HAL: variants seen among roughly 807,000 people sequenced by gnomAD.
The protein encoded by HAL is histidine ammonia-lyase.
A neutral mutation model predicts 81.1 loss-of-function variants in HAL; 85 were observed. That is an observed-to-expected ratio of 1.05 (90% CI 0.88 to 1.25). HAL has a LOEUF of 1.25. Among genes scored for constraint, HAL ranks in the 50% most tolerant of loss-of-function variants. HAL has a pLI of 0.00. For missense variants in HAL, 798 were observed against 836.6 expected, an observed-to-expected ratio of 0.95 and a Z score of 0.57; for synonymous variants, 301 against 309.2, an observed-to-expected ratio of 0.97 and a Z score of 0.28.
chr12:95,986,282 C>CT, intron 12 of HAL, 122 bp from the exon 13 acceptor site: 1 of 697,572 alleles, frequency 1.4e-6, no homozygotes, highest in Non-Finnish European at 2.6e-6. Flanking sequence ...ATCCTCCTAC[C>CT]TTGGCCTCCC....
chr12:95,991,973 C>T (rs1565993599), intron 9 of HAL, among the ~76,000 whole-genome samples: 1 of 152,232 alleles, frequency 6.6e-6, no homozygotes, highest in Non-Finnish European at 1.5e-5. Context: ...CTGTTTGTGA[C>T]TGCCTCAGCA....
At chr12:95,977,652 AAAAAAAAAAGAG>A (rs2080737900) in intron 18 of HAL, among the ~76,000 whole-genome samples, 1 of 151,136 alleles carries the variant, frequency 6.6e-6, no homozygotes, top group Non-Finnish European at 1.5e-5. Flanking sequence ...CAAAAAAAAA[AAAAAAAAAAGAG>A]AAAAAAAAAG....
chr12:95,992,660 C>A lies in HAL; in HGVS notation c.715+20G>T. ...TGTCCAGCCTCCACAGAGGTTCCGT[C>A]TAGGGAGCCATTGCATTACCATTAA... On this transcript the variant is annotated intron_variant, in intron 9 of 20. Coordinates refer to ENST00000261208, the MANE Select transcript of HAL (RefSeq NM_002108.4). 6.2e-7 allele frequency: 1 copy of A among 1,606,624 alleles called. No individual in the cohort carries two copies. Among genetic ancestry groups the A allele is most frequent in the South Asian group, 1.1e-5 (1 of 90,856 alleles).
At chr12:95,994,855 G>T (rs749942805) in intron 3 of HAL, 30 bp from the exon 4 acceptor site, 1 of 1,613,440 alleles carries the variant, frequency 6.2e-7, no homozygotes, top group Admixed American at 1.7e-5. Flanking sequence ...CATATAGGGT[G>T]GTGTGGAAAA....
intron 17 of HAL, among the ~76,000 whole-genome samples, chr12:95,979,888 T>A (rs1356725113): frequency 6.6e-6 from 1 of 152,236 alleles, no homozygotes; most frequent in Non-Finnish European, 1.5e-5. Flanking sequence ...CATCTATAGA[T>A]AACAATAATA....
In HAL at chr12:95,973,151, C is replaced by A. The variant is rs2080673381; in HGVS notation, c.*1081G>T. 2 of 152,174 alleles carry A rather than the reference C, an allele frequency of 1.3e-5. No homozygotes were observed. The highest frequency in any genetic ancestry group is 2.9e-5 in the Non-Finnish European group (2 of 68,050). The allele number at this position is 152,174 out of a possible 1,614,324, so 9.4% of individuals were successfully genotyped here. On this transcript the variant is annotated 3_prime_UTR_variant, in exon 21 of 21. Transcript: ENST00000261208. The stretch of plus-strand genomic sequence containing the variant: ...CTCCACCAGCTGTGGTTTTTAGAGC[C>A]ACGGTTTCAGACCACTTGAAGGGCC...
chr12:95,976,572 A>T (rs759325732), intron 19 of HAL, 26 bp downstream of exon 19: 2 of 1,592,586 alleles, frequency 1.3e-6, no homozygotes, highest in Non-Finnish European at 1.7e-6. Flanking sequence ...AACTGATGTA[A>T]TTTTCAGAGA....
chr12:95,996,182 T>C lies in HAL; in HGVS notation c.-186A>G, dbSNP rs1298156484. ...ATCCAGACCTGCTGCCAGAAAGGCC[T>C]GGGGTCTCCCACCCTGGGAGGTGCT... On this transcript the variant is annotated 5_prime_UTR_variant, in exon 1 of 21. Transcript: ENST00000261208. The C allele has an allele frequency of 2.1e-6, 1 of 473,908 alleles. No individual in the cohort carries two copies. Among genetic ancestry groups the C allele is most frequent in the Non-Finnish European group, 3.9e-6 (1 of 255,214 alleles). 29.4% of individuals were successfully genotyped at this position (473,908 alleles called of 1,614,324 possible). A position where few individuals can be genotyped will look rare whatever the true frequency, so the allele number is the denominator to read the frequency against.
In HAL at chr12:95,976,672, GC is replaced by G; in HGVS notation, c.1688del (p.Gly563AlafsTer2). The G allele has an allele frequency of 6.2e-7, 1 of 1,612,628 alleles. No homozygotes were observed. Among genetic ancestry groups the G allele is most frequent in the Non-Finnish European group, 8.5e-7 (1 of 1,178,644 alleles). ...TTTTCAGGGGACGTAGAAACTCTAT[GC>G]CCTGGCAGGCTGCAAGGAGCTCGAT... ...LAIELLAACQ[G>X]IEFLRPLKTT... On this transcript the variant is annotated frameshift_variant, in exon 19 of 21. Transcript: ENST00000261208. LOFTEE classifies it high-confidence loss of function.
intron 9 of HAL, among the ~76,000 whole-genome samples, chr12:95,991,350 T>A (rs947549539): frequency 6.6e-5 from 10 of 152,176 alleles, no homozygotes; most frequent in Non-Finnish European, 1.2e-4. Flanking sequence ...TTTGACCAAG[T>A]TTAGCCATTC....
chr12:95,981,002 A>G, intron 15 of HAL, 139 bp from the exon 16 acceptor site: 1 of 721,946 alleles, frequency 1.4e-6, no homozygotes, highest in Admixed American at 1.9e-5. Context: ...GTCTTCCTGC[A>G]AGAGATATAA....
chr12:95,974,707 C>T (rs1420455396), intron 20 of HAL, among the ~76,000 whole-genome samples: 2 of 151,994 alleles, frequency 1.3e-5, no homozygotes, highest in African/African-American at 4.8e-5. Flanking sequence ...AGGGTCTTAA[C>T]AGTACCTATG....
intron 20 of HAL, 143 bp from the exon 21 acceptor site, chr12:95,974,515 T>G (rs931294898): frequency 6.6e-6 from 5 of 758,342 alleles, no homozygotes; most frequent in Non-Finnish European, 4.6e-6. Context: ...TTTTAAGCCA[T>G]TTGACACATG....
At chr12:95,989,351 T>A (rs941459801) in intron 10 of HAL, among the ~76,000 whole-genome samples, 5 of 152,200 alleles carry the variant, frequency 3.3e-5, no homozygotes, top group Admixed American at 2.0e-4. Flanking sequence ...GATAATTTTT[T>A]AATTATTTTA....
In HAL at chr12:95,993,816, A is replaced by T. The variant is rs1220764432; in HGVS notation, c.507T>A (p.Gly169=). Residue 169 remains glycine, a synonymous_variant, in exon 7 of 21, where the codon GGT becomes GGA. Transcript: ENST00000261208. ...EKTVVYGITT[G]FGKFARTVIP... ...TTACAGTTCTGGCAAATTTCCCAAA[A>T]CCTGTAGTAATACCGTAAACAACTA... 3 of 1,581,360 alleles carry T rather than the reference A, an allele frequency of 1.9e-6. No individual in the cohort carries two copies. The highest frequency in any genetic ancestry group is 2.6e-6 in the Non-Finnish European group (3 of 1,150,188).
chr12:95,980,268 G>T (rs968598914), intron 17 of HAL, among the ~76,000 whole-genome samples: 4 of 152,158 alleles, frequency 2.6e-5, no homozygotes, highest in Non-Finnish European at 5.9e-5. Flanking sequence ...AAGCTATAGA[G>T]ATGAAGTTCA....
At chr12:95,979,114 AG>A (rs1195337664) in intron 17 of HAL, among the ~76,000 whole-genome samples, 1 of 152,246 alleles carries the variant, frequency 6.6e-6, no homozygotes, top group African/African-American at 2.4e-5. Context: ...CTACAATGAA[AG>A]CAAGCCAAAC....
chr12:95,994,781 A>T lies in HAL; in HGVS notation c.336+17T>A. 1 of 1,612,564 alleles carries T rather than the reference A, an allele frequency of 6.2e-7. No homozygotes were observed. The highest frequency in any genetic ancestry group is 1.1e-5 in the South Asian group (1 of 91,054). ...GCCTTAATTTTCTGAAGAAAAAGAA[A>T]GTGGTTTGAAGCTTACCTTTTCAGG... On this transcript the variant is annotated intron_variant, in intron 4 of 20. Coordinates refer to ENST00000261208, the MANE Select transcript of HAL (RefSeq NM_002108.4).
chr12:95,974,336 T>C lies in HAL; in HGVS notation c.1870A>G (p.Arg624Gly). 6.2e-7 allele frequency: 1 copy of C among 1,612,462 alleles called. No homozygotes were observed. ...CTTGATTCTGGAATATGCTCCATTC[T>C]GTATTTTTCAATGTATGGAGCAGCT... ...EVAAPYIEKY[R>G]MEHIPESRPL... The change falls in exon 21 of 21, where the codon AGA becomes GGA. Residue 624 changes from arginine (R) to glycine (G), a missense_variant. By Grantham distance (125) the Arg-to-Gly change is moderately radical. Transcript: ENST00000261208.
Sources: allele counts gnomAD v4.1 joint callset (sites outside exome capture counted in the v4.1 genomes callset), GRCh38; gene constraint gnomAD v4.1.1; transcripts MANE v1.5; gene names NCBI Gene and HGNC (gene_info 2026-07-23, HGNC 2026-07-21).